ATP11B: variants seen among roughly 807,000 people sequenced by gnomAD.
The protein encoded by ATP11B is phospholipid-transporting ATPase IF.
In ATP11B, 81 loss-of-function variants were observed where a neutral mutation model predicts 157.8. The observed-to-expected ratio is 0.51, with a 90% CI of 0.43 to 0.62. The LOEUF (loss-of-function observed/expected upper bound fraction) is 0.62, where lower values mean the gene tolerates loss of function less well. Among genes scored for constraint, ATP11B ranks in the 20% least tolerant of loss-of-function variants. ATP11B has a pLI of 0.00. For missense variants in ATP11B, 1,165 were observed against 1,402.2 expected, an observed-to-expected ratio of 0.83 and a Z score of 2.70; for synonymous variants, 451 against 469.4, an observed-to-expected ratio of 0.96 and a Z score of 0.51.
chr3:182,841,991 A>AC (rs1194184823), intron 7 of ATP11B, 84 bp from the exon 8 acceptor site: 9 of 890,660 alleles, frequency 1.0e-5, no homozygotes, highest in East Asian at 2.7e-5. Context: ...AAAAAAAAAA[A>AC]AAAAAACAAA....
At chr3:182,814,539 G>A (rs1295985292) in intron 1 of ATP11B, among the ~76,000 whole-genome samples, 1 of 152,140 alleles carries the variant, frequency 6.6e-6, no homozygotes, top group Admixed American at 6.6e-5. Context: ...AGAGCACAGT[G>A]GCTCACAGCT....
chr3:182,837,134 G>T lies in ATP11B; in HGVS notation c.616G>T (p.Ala206Ser). 5 of 1,613,330 alleles carry T rather than the reference G, an allele frequency of 3.1e-6. No homozygotes were observed. The highest frequency in any genetic ancestry group is 4.2e-6 in the Non-Finnish European group (5 of 1,179,508). Residue 206 changes from alanine to serine, a missense_variant, in exon 7 of 30, where the codon GCT (alanine) becomes TCT (serine). Transcript: ENST00000323116. Reference sequence around the variant, plus strand: ...AGTTGCCAATTTGGACACTCTAGTAGCTGTAATAGAATGCCAGCAACCAGA... The same window carrying T: ...AGTTGCCAATTTGGACACTCTAGTATCTGTAATAGAATGCCAGCAACCAGA... ...QTVANLDTLV[A>S]VIECQQPEAD...
At chr3:182,855,213 A>C (rs73177319) in intron 10 of ATP11B, among the ~76,000 whole-genome samples, 2,198 of 152,324 alleles carry the variant, frequency 0.014, 26 homozygotes, top group Non-Finnish European at 0.024. Flanking sequence ...TACATAGATC[A>C]GTGTTACACA....
intron 2 of ATP11B, among the ~76,000 whole-genome samples, chr3:182,823,900 G>C (rs1177722245): frequency 6.6e-6 from 1 of 151,742 alleles, no homozygotes; most frequent in East Asian, 1.9e-4. Flanking sequence ...AGTTTGATGA[G>C]TTTTGACAAA....
chr3:182,872,190 C>A (rs1257015732), intron 17 of ATP11B, among the ~76,000 whole-genome samples, 166 bp from the exon 18 acceptor site: 2 of 152,294 alleles, frequency 1.3e-5, no homozygotes, highest in African/African-American at 4.8e-5. Flanking sequence ...ATCAGTAGAG[C>A]TTTGTGACAT....
intron 12 of ATP11B, among the ~76,000 whole-genome samples, chr3:182,863,387 T>G (rs1010208700): frequency 2.0e-5 from 3 of 152,146 alleles, no homozygotes; most frequent in Non-Finnish European, 2.9e-5. Flanking sequence ...CCTCCTTTTT[T>G]CTTCATGATA....
At chr3:182,868,129 TGA>T (rs1721385057) in intron 15 of ATP11B, among the ~76,000 whole-genome samples, 1 of 152,098 alleles carries the variant, frequency 6.6e-6, no homozygotes, top group Non-Finnish European at 1.5e-5. Context: ...TTCTGGGTAG[TGA>T]GTTTTATAGG....
intron 28 of ATP11B, among the ~76,000 whole-genome samples, chr3:182,901,159 C>T (rs1723932104): frequency 6.6e-6 from 1 of 151,262 alleles, no homozygotes; most frequent in Non-Finnish European, 1.5e-5. Flanking sequence ...GGCGACAGAG[C>T]GAGACTCCAT....
chr3:182,888,062 C>T lies in ATP11B; in HGVS notation c.2843+349C>T, dbSNP rs567483675. Reference sequence around the variant, plus strand: ...CCTAAAAGTTTTTTTCTACTATTAGCGAAATTTATGAGTAATAATTAGTGC... The same window carrying T: ...CCTAAAAGTTTTTTTCTACTATTAGTGAAATTTATGAGTAATAATTAGTGC... On this transcript the variant is annotated intron_variant, in intron 24 of 29. Transcript: ENST00000323116. 8.5e-5 allele frequency among the ~76,000 whole-genome samples: 13 copies of T among 152,092 alleles called. No homozygotes were observed. The South Asian group carries it at 1.7e-3, about 19-fold the overall frequency.
intron 1 of ATP11B, among the ~76,000 whole-genome samples, chr3:182,800,751 C>T (rs1285888803): frequency 2.0e-5 from 3 of 149,950 alleles, no homozygotes; most frequent in Non-Finnish European, 4.4e-5. Flanking sequence ...TTCGTATTTT[C>T]TTATCCTATA....
Position 182,919,861 on chromosome 3 carries a change from A to G in ATP11B, c.*1757A>G, listed in dbSNP as rs1406502170. 6.6e-6 allele frequency: 1 copy of G among 152,222 alleles called. No individual in the cohort carries two copies. Among genetic ancestry groups the G allele is most frequent in the African/African-American group, 2.4e-5 (1 of 41,464 alleles). 9.4% of individuals were successfully genotyped at this position (152,222 alleles called of 1,614,324 possible). On this transcript the variant is annotated 3_prime_UTR_variant, in exon 30 of 30. Coordinates refer to ENST00000323116, the MANE Select transcript of ATP11B (RefSeq NM_014616.3). ...AGTCCTTCTTTAACTTAGATATTTC[A>G]TAGCTGGATTTAGGAAGATCTGTTA...
intron 9 of ATP11B, among the ~76,000 whole-genome samples, chr3:182,847,751 A>C (rs1278628745): frequency 6.6e-6 from 1 of 152,092 alleles, no homozygotes; most frequent in Admixed American, 6.5e-5. Flanking sequence ...ATTTTTTCCC[A>C]TTTAAAGATG....
Position 182,884,885 on chromosome 3 carries a change from A to G in ATP11B, c.2642A>G (p.Tyr881Cys). Residue 881 changes from tyrosine (Y) to cysteine (C), a missense_variant, in exon 22 of 30, where the codon TAT (tyrosine) becomes TGT (cysteine). This residue lies in a region of ATP11B where 737 missense variants were observed against 930.5 expected (regional missense o/e 0.79). Coordinates refer to ENST00000323116, the MANE Select transcript of ATP11B (RefSeq NM_014616.3). ...YYIRIATLVQ[Y>C]FFYKNVCFIT... ...ATTAGAATAGCTACCCTTGTACAGT[A>G]TTTTTTTTATAAGGTGAGTTTCATG... 1 of 1,431,924 alleles carries G rather than the reference A, an allele frequency of 7.0e-7. No individual in the cohort carries two copies. The highest frequency in any genetic ancestry group is 9.5e-7 in the Non-Finnish European group (1 of 1,053,600). The allele number at this position is 1,431,924 out of a possible 1,614,324, so 88.7% of individuals were successfully genotyped here.
intron 5 of ATP11B, 50 bp downstream of exon 5, chr3:182,836,192 A>G: frequency 6.4e-7 from 1 of 1,570,712 alleles, no homozygotes; most frequent in Non-Finnish European, 8.7e-7. Context: ...ATATCACAGG[A>G]CATAATTCTA....
intron 29 of ATP11B, chr3:182,916,460 G>C: frequency 1.0e-6 from 1 of 985,302 alleles, no homozygotes; most frequent in Non-Finnish European, 1.2e-6. Flanking sequence ...TTTATTAATT[G>C]ATGTTGTCAA....
intron 29 of ATP11B, chr3:182,915,855 GT>G (rs1317192942): frequency 1.0e-6 from 1 of 969,686 alleles, no homozygotes; most frequent in Non-Finnish European, 1.2e-6. Flanking sequence ...GCGCCATATT[GT>G]TTTTTTCTGA....
Position 182,889,485 on chromosome 3 carries a change from T to A in ATP11B, c.2919T>A (p.Phe973Leu). Residue 973 changes from phenylalanine to leucine, a missense_variant, in exon 25 of 30, where the codon TTT becomes TTA. Coordinates refer to ENST00000323116, the MANE Select transcript of ATP11B (RefSeq NM_014616.3). ...YWTILGFSHA[F>L]IFFFGSYLLI... ...CCATCCTGGGCTTCAGTCATGCCTTTATTTTCTTTTTTGGATCCTATTTAC... is the reference window on the plus strand; with the variant it reads ...CCATCCTGGGCTTCAGTCATGCCTTAATTTTCTTTTTTGGATCCTATTTAC... 1 of 1,575,896 alleles carries A rather than the reference T, an allele frequency of 6.3e-7. No individual in the cohort carries two copies. The highest frequency in any genetic ancestry group is 8.6e-7 in the Non-Finnish European group (1 of 1,167,798).
intron 12 of ATP11B, among the ~76,000 whole-genome samples, chr3:182,861,431 C>T (rs543441292): frequency 2.0e-5 from 3 of 152,236 alleles, no homozygotes; most frequent in Non-Finnish European, 4.4e-5. Context: ...TTCATGAATA[C>T]ACAAATGCTT....
At chr3:182,857,808 C>T (rs1720526707) in intron 10 of ATP11B, 70 bp from the exon 11 acceptor site, 5 of 968,040 alleles carry the variant, frequency 5.2e-6, no homozygotes, top group Non-Finnish European at 7.8e-6. Context: ...AATACAAGTA[C>T]TAATTTTCAA....
Sources: gnomAD v4.1 joint callset for allele counts (sites outside exome capture counted in the v4.1 genomes callset) on GRCh38, gnomAD v4.1.1 for gene constraint, gnomAD v4.1.1 regional missense constraint, MANE v1.5 for transcripts, NCBI Gene and HGNC (gene_info 2026-07-23, HGNC 2026-07-21) for gene names.